The following ATG101 variants were observed in gnomAD, a reference collection of about 807,000 sequenced individuals.
ATG101 encodes autophagy-related protein 101.
A neutral mutation model predicts 16.7 loss-of-function variants in ATG101; 6 were observed. That is an observed-to-expected ratio of 0.36 (90% CI 0.20 to 0.71). ATG101 has a LOEUF of 0.71. Among genes scored for constraint, ATG101 ranks in the 30% least tolerant of loss-of-function variants. The pLI is 0.57. For missense variants in ATG101, 200 were observed against 292.5 expected (o/e 0.68, Z 2.31); for synonymous variants, 108 against 118.1 (o/e 0.91, Z 0.56).
At chr12:52,074,482 C>T (rs182132029) in intron 3 of ATG101, among the ~76,000 whole-genome samples, 44 of 152,090 alleles carry the variant, frequency 2.9e-4, no homozygotes, top group African/African-American at 9.6e-4. Context: ...TCATTGAGTG[C>T]GTACTTTTAC....
intron 3 of ATG101, 99 bp downstream of exon 3, chr12:52,074,001 C>G: frequency 1.3e-6 from 2 of 1,504,824 alleles, no homozygotes; most frequent in Non-Finnish European, 1.8e-6. Context: ...AACCAGCCTT[C>G]TCTTCCTGAG....
intron 2 of ATG101, among the ~76,000 whole-genome samples, chr12:52,071,946 C>T (rs896453223): frequency 6.6e-6 from 1 of 152,106 alleles, no homozygotes; most frequent in Non-Finnish European, 1.5e-5. Context: ...CTTGAAGCTC[C>T]CTCTCCCTCT....
At chr12:52,072,878 T>C (rs886775754) in intron 2 of ATG101, among the ~76,000 whole-genome samples, 1 of 152,242 alleles carries the variant, frequency 6.6e-6, no homozygotes. Context: ...ATTTAAGTTA[T>C]CCTCCTGCCT....
chr12:52,074,075 G>A (rs1939695230), intron 3 of ATG101, among the ~76,000 whole-genome samples, 173 bp downstream of exon 3: 1 of 143,262 alleles, frequency 7.0e-6, no homozygotes, highest in Admixed American at 8.1e-5. Context: ...CTTCAGGGGA[G>A]GGCGCGCGGG....
chr12:52,066,452 A>G (rs1479361587), upstream of ATG101, among the ~76,000 whole-genome samples: 2 of 152,192 alleles, frequency 1.3e-5, no homozygotes, highest in Non-Finnish European at 2.9e-5. Context: ...ACTGTCTGCC[A>G]ATTCCAATGT....
intron 2 of ATG101, 34 bp from the exon 3 acceptor site, chr12:52,073,541 C>G (rs1939682888): frequency 5.8e-6 from 8 of 1,378,376 alleles, no homozygotes; most frequent in African/African-American, 1.4e-5. Context: ...GTGGACTATT[C>G]TTGTCAGCAT....
chr12:52,075,435 C>T (rs958794066), intron 3 of ATG101, among the ~76,000 whole-genome samples: 3 of 152,206 alleles, frequency 2.0e-5, no homozygotes, highest in Non-Finnish European at 4.4e-5. Context: ...AGGGTGTGTG[C>T]ACTGCAAGGA....
intron 3 of ATG101, among the ~76,000 whole-genome samples, chr12:52,075,525 G>A (rs960013407): frequency 1.3e-5 from 2 of 152,238 alleles, no homozygotes; most frequent in African/African-American, 2.4e-5. Flanking sequence ...GCCATTCAAG[G>A]TTACTTGACC....
chr12:52,075,941 C>T (rs1490736755), intron 3 of ATG101, among the ~76,000 whole-genome samples: 2 of 152,162 alleles, frequency 1.3e-5, no homozygotes, highest in Non-Finnish European at 2.9e-5. Context: ...AGGAGTATTG[C>T]TTGAGCCCAG....
chr12:52,072,115 G>T (rs1592316818), intron 2 of ATG101, among the ~76,000 whole-genome samples: 1 of 152,314 alleles, frequency 6.6e-6, no homozygotes, highest in South Asian at 2.1e-4. Flanking sequence ...TTTACCATTT[G>T]TCAGGTACTT....
In ATG101 at chr12:52,077,091, G is replaced by A. The variant is rs771445392; in HGVS notation, c.558G>A (p.Gln186=). The part of the protein sequence containing the change: ...NVFDTGLRDV[Q]PYLYKISFQI... ...TTGACACAGGCTTGCGGGACGTGCA[G>A]CCCTACCTGTACAAGATCTCCTTCC... Residue 186 remains glutamine, a synonymous_variant, in exon 4 of 4, where the codon CAG becomes CAA. Coordinates refer to ENST00000336854, the MANE Select transcript of ATG101 (RefSeq NM_021934.5). The A allele has an allele frequency of 5.0e-5, 80 of 1,614,080 alleles. No individual in the cohort carries two copies. The highest frequency in any genetic ancestry group is 6.7e-5 in the Non-Finnish European group (79 of 1,180,048).
intron 3 of ATG101, among the ~76,000 whole-genome samples, chr12:52,076,175 G>T (rs1442151484): frequency 2.6e-5 from 4 of 152,050 alleles, no homozygotes; most frequent in Admixed American, 2.0e-4. Context: ...AATATCAAAA[G>T]AATTATGTTT....
chr12:52,072,099 T>C (rs1939659330), intron 2 of ATG101, among the ~76,000 whole-genome samples: 1 of 152,236 alleles, frequency 6.6e-6, no homozygotes, highest in South Asian at 2.1e-4. Flanking sequence ...TAATACTTAG[T>C]GGATATTTAC....
intron 3 of ATG101, among the ~76,000 whole-genome samples, 179 bp downstream of exon 3, chr12:52,074,081 G>A (rs1033865692): frequency 5.3e-5 from 8 of 151,924 alleles, no homozygotes; most frequent in African/African-American, 1.9e-4. Context: ...GGGAGGGCGC[G>A]CGGGCGCGTG....
upstream of ATG101, among the ~76,000 whole-genome samples, chr12:52,069,082 G>C (rs1939594931): frequency 6.6e-6 from 1 of 150,710 alleles, no homozygotes; most frequent in African/African-American, 2.4e-5. Context: ...GTCTGCTCTG[G>C]GCTTACAATC....
At chr12:52,076,751 G>A (rs1939736193) in intron 3 of ATG101, 35 bp from the exon 4 acceptor site, 1 of 1,598,148 alleles carries the variant, frequency 6.3e-7, no homozygotes. Flanking sequence ...GGAACTCAGA[G>A]GCCTTGGCTT....
At chr12:52,068,990 CAAAAAAA>C (rs869030833), upstream of ATG101, among the ~76,000 whole-genome samples, 2,871 of 32,912 alleles carry the variant, frequency 0.087, 23 homozygotes, top group Non-Finnish European at 0.11. Flanking sequence ...GACGCCGTCT[CAAAAAAA>C]AAAAAAAAAA....
At chr12:52,072,590 T>TGA (rs1261186619) in intron 2 of ATG101, among the ~76,000 whole-genome samples, 3 of 152,142 alleles carry the variant, frequency 2.0e-5, no homozygotes. Context: ...TGGATGTGGG[T>TGA]GTCTCTAGAA....
chr12:52,071,690 C>T (rs1417661031), intron 2 of ATG101, among the ~76,000 whole-genome samples: 4 of 152,020 alleles, frequency 2.6e-5, no homozygotes, highest in Non-Finnish European at 5.9e-5. Context: ...TGGTGGTGTT[C>T]GCCTGTGTTC....
Sources: allele counts gnomAD v4.1 joint callset (sites outside exome capture counted in the v4.1 genomes callset), GRCh38; gene constraint gnomAD v4.1.1; transcripts MANE v1.5; gene names NCBI Gene and HGNC (gene_info 2026-07-23, HGNC 2026-07-21).